The following SYNE3 variants were observed in gnomAD, a reference collection of about 807,000 sequenced individuals.
The protein encoded by SYNE3 is nesprin-3.
Under a neutral mutation model 111.2 loss-of-function variants are expected in SYNE3, and 100 were observed. The ratio of observed to expected loss-of-function variants is 0.90; its 90% confidence interval spans 0.77 to 1.06. The LOEUF (loss-of-function observed/expected upper bound fraction) is 1.06, where lower values mean the gene tolerates loss of function less well. Among genes scored for constraint, SYNE3 ranks in the 50% least tolerant of loss-of-function variants. The pLI is 0.00. For synonymous variants in SYNE3, 547 were observed against 533.9 expected, an observed-to-expected ratio of 1.02 and a Z score of -0.34; for missense variants, 1,160 against 1,240.3, an observed-to-expected ratio of 0.94 and a Z score of 0.97.
rs5810723 is a variant in SYNE3, at chr14:95,411,321, C to CAAAAAAAAA, written c.*6496_*6504dup. On this transcript the variant is annotated 3_prime_UTR_variant, in exon 18 of 18. Coordinates refer to ENST00000682763, the MANE Select transcript of SYNE3 (RefSeq NM_152592.6). ...GAACATCCTAATTTTAACATAAATT[C>CAAAAAAAAA]AAAAAAAAAAAAAGAAAAAAGAAAA... is the stretch of plus-strand genomic sequence containing the variant. 1 of 137,980 alleles carries CAAAAAAAAA rather than the reference C, an allele frequency of 7.2e-6. No individual in the cohort carries two copies. 8.5% of individuals were successfully genotyped at this position (137,980 alleles called of 1,614,324 possible).
At chr14:95,489,956 G>T (rs1235357670) in intron 1 of SYNE3, among the ~76,000 whole-genome samples, 1 of 152,218 alleles carries the variant, frequency 6.6e-6, no homozygotes, top group African/African-American at 2.4e-5. Flanking sequence ...CTGGAATGGG[G>T]TTAGGAGTCA....
chr14:95,497,887 G>A (rs1890163218), intron 1 of SYNE3, among the ~76,000 whole-genome samples: 6 of 152,098 alleles, frequency 3.9e-5, no homozygotes, highest in Non-Finnish European at 8.8e-5. Context: ...CGGATGCAGT[G>A]CCACGTGCCT....
chr14:95,426,281 C>T (rs1885423664), intron 17 of SYNE3, among the ~76,000 whole-genome samples: 2 of 152,214 alleles, frequency 1.3e-5, no homozygotes, highest in South Asian at 2.1e-4. Flanking sequence ...AAGCCTGTCC[C>T]TGGCTCTCCC....
intron 17 of SYNE3, chr14:95,429,901 G>A: frequency 1.0e-6 from 1 of 979,932 alleles, no homozygotes; most frequent in Non-Finnish European, 1.2e-6. Context: ...CTCCACCCAA[G>A]CAGGATGTAC....
chr14:95,431,112 G>C (rs17828560), intron 17 of SYNE3, among the ~76,000 whole-genome samples: 2 of 152,138 alleles, frequency 1.3e-5, no homozygotes, highest in African/African-American at 4.8e-5. Flanking sequence ...GAGGAGGCTC[G>C]TGTCATTACG....
chr14:95,479,891 A>G (rs73340998), intron 1 of SYNE3, among the ~76,000 whole-genome samples: 11,706 of 151,942 alleles, frequency 0.077, 1,522 homozygotes, highest in African/African-American at 0.27. Flanking sequence ...GGAGGGAAGC[A>G]CTCTGCACTC....
intron 3 of SYNE3, 76 bp from the exon 4 acceptor site, chr14:95,466,316 C>T (rs1225042093): frequency 6.7e-6 from 10 of 1,482,478 alleles, no homozygotes; most frequent in Non-Finnish European, 9.0e-6. Context: ...TGCTGTCACC[C>T]CCTCCCCAAT....
chr14:95,423,657 G>A (rs866289570), intron 17 of SYNE3, among the ~76,000 whole-genome samples: 3 of 66,684 alleles, frequency 4.5e-5, no homozygotes, highest in African/African-American at 4.8e-5. Flanking sequence ...TGATGGGGAT[G>A]GGGATTTGAT....
intron 1 of SYNE3, among the ~76,000 whole-genome samples, chr14:95,499,299 C>A (rs1345256970): frequency 6.6e-6 from 1 of 152,228 alleles, no homozygotes; most frequent in Non-Finnish European, 1.5e-5. Flanking sequence ...CTGTGCCTCA[C>A]AGCCTCCACC....
intron 1 of SYNE3, among the ~76,000 whole-genome samples, chr14:95,480,577 G>T (rs1054701496): frequency 2.0e-5 from 3 of 152,226 alleles, no homozygotes; most frequent in African/African-American, 7.2e-5. Context: ...GGAATGGACA[G>T]TAAGGATGCA....
Position 95,436,812 on chromosome 14 carries a change from G to A in SYNE3, c.2538+8C>T. 6.2e-7 allele frequency: 1 copy of A among 1,613,622 alleles called. No individual in the cohort carries two copies. The highest frequency in any genetic ancestry group is 8.5e-7 in the Non-Finnish European group (1 of 1,179,970). Reference sequence around the variant, plus strand: ...TTATGGATGAGGGACCTTTCCTGGGGAACAGACCTGCAGCTTCGATTTTCT... The same window carrying A: ...TTATGGATGAGGGACCTTTCCTGGGAAACAGACCTGCAGCTTCGATTTTCT... On this transcript the variant is annotated splice_region_variant and intron_variant, in intron 15 of 17. Transcript: ENST00000682763.
chr14:95,440,891 C>T (rs777073559), intron 11 of SYNE3, among the ~76,000 whole-genome samples: 4 of 152,184 alleles, frequency 2.6e-5, no homozygotes, highest in Admixed American at 6.5e-5. Flanking sequence ...AAAAAGTAAT[C>T]GAGCTGCACA....
Position 95,415,546 on chromosome 14 carries a change from T to G in SYNE3, c.*2280A>C, listed in dbSNP as rs187109374. On this transcript the variant is annotated 3_prime_UTR_variant, in exon 18 of 18. Transcript: ENST00000682763. Reference sequence around the variant, plus strand: ...ATCCCCTGTAGTTGCCAATTCTGCATGTACTAGTCTTGTAGAAATAAGTTA... The same window carrying G: ...ATCCCCTGTAGTTGCCAATTCTGCAGGTACTAGTCTTGTAGAAATAAGTTA... 11 of 152,324 alleles carry G rather than the reference T, an allele frequency of 7.2e-5. No homozygotes were observed. The East Asian group carries it at 2.1e-3, about 29-fold the overall frequency. 9.4% of individuals were successfully genotyped at this position (152,324 alleles called of 1,614,324 possible). A position where few individuals can be genotyped will look rare whatever the true frequency, so the allele number is the denominator to read the frequency against.
chr14:95,477,628 C>G (rs1460856034), intron 1 of SYNE3, among the ~76,000 whole-genome samples: 1 of 152,154 alleles, frequency 6.6e-6, no homozygotes, highest in African/African-American at 2.4e-5. Flanking sequence ...CCATCAGACG[C>G]GTGCTGGGCC....
At chr14:95,509,012 A>G (rs987152100) in intron 1 of SYNE3, among the ~76,000 whole-genome samples, 1 of 152,258 alleles carries the variant, frequency 6.6e-6, no homozygotes, top group Non-Finnish European at 1.5e-5. Flanking sequence ...AATAGTAGTA[A>G]TAATAGCGTG....
chr14:95,493,997 A>G (rs1889967473), intron 1 of SYNE3, among the ~76,000 whole-genome samples: 1 of 152,180 alleles, frequency 6.6e-6, no homozygotes, highest in Non-Finnish European at 1.5e-5. Flanking sequence ...TTCCAGAGAT[A>G]GTAGCTGGGA....
intron 17 of SYNE3, among the ~76,000 whole-genome samples, chr14:95,423,596 T>G (rs540998875): frequency 0.089 from 818 of 9,228 alleles, 345 homozygotes; most frequent in African/African-American, 0.16. Context: ...CATGGGGATT[T>G]GATGGGGATG....
chr14:95,436,710 G>T, intron 15 of SYNE3, 110 bp downstream of exon 15: 2 of 1,301,496 alleles, frequency 1.5e-6, no homozygotes, highest in Non-Finnish European at 2.1e-6. Context: ...ACACAAGGGA[G>T]AACAGCTCAC....
At chr14:95,497,861 A>G (rs2139589202) in intron 1 of SYNE3, among the ~76,000 whole-genome samples, 1 of 152,312 alleles carries the variant, frequency 6.6e-6, no homozygotes, top group East Asian at 1.9e-4. Flanking sequence ...TGTCAAAAAA[A>G]GATGAAGAAT....
Sources: allele counts gnomAD v4.1 joint callset (sites outside exome capture counted in the v4.1 genomes callset), GRCh38; gene constraint gnomAD v4.1.1; transcripts MANE v1.5; gene names NCBI Gene and HGNC (gene_info 2026-07-23, HGNC 2026-07-21).